KMO: variants seen among roughly 807,000 people sequenced by gnomAD.
KMO encodes the protein kynurenine 3-monooxygenase.
Under a neutral mutation model 57.8 loss-of-function variants are expected in KMO, and 24 were observed. The ratio of observed to expected loss-of-function variants is 0.42; its 90% CI spans 0.30 to 0.58. The LOEUF (loss-of-function observed/expected upper bound fraction) is 0.58. Ranked by LOEUF, KMO falls within the 20% of genes least tolerant of loss-of-function variation. KMO has a pLI of 0.22. For missense variants in KMO, 483 were observed against 588.2 expected, an observed-to-expected ratio of 0.82 and a Z score of 1.85; for synonymous variants, 210 against 193.6, an observed-to-expected ratio of 1.08 and a Z score of -0.70.
intron 1 of KMO, among the ~76,000 whole-genome samples, chr1:241,544,198 AT>A (rs1661053696): frequency 6.6e-6 from 1 of 152,122 alleles, no homozygotes; most frequent in Non-Finnish European, 1.5e-5. Flanking sequence ...TGTTGTTTAG[AT>A]TGTGGCTTTA....
chr1:241,539,731 C>T (rs753878856), intron 1 of KMO, among the ~76,000 whole-genome samples: 7 of 152,154 alleles, frequency 4.6e-5, no homozygotes, highest in Non-Finnish European at 8.8e-5. Flanking sequence ...TTCTCATTCC[C>T]CTGTTATCCT....
intron 4 of KMO, among the ~76,000 whole-genome samples, chr1:241,554,421 G>A (rs1050603782): frequency 4.6e-5 from 7 of 151,740 alleles, no homozygotes; most frequent in South Asian, 2.1e-4. Context: ...CTACAGGCAC[G>A]CGCCACCAGA....
rs780783855 is a variant in KMO, at chr1:241,594,063, G to T, written c.*1910G>T. Reference sequence around the variant, plus strand: ...TTCTAGCTACTTCACACATGTGTACGCGACAGTTATTTTTACAGTAAGGTA... The same window carrying T: ...TTCTAGCTACTTCACACATGTGTACTCGACAGTTATTTTTACAGTAAGGTA... On this transcript the variant is annotated 3_prime_UTR_variant, in exon 15 of 15. Transcript: ENST00000366559. 1.7e-4 allele frequency: 38 copies of T among 226,004 alleles called. No individual in the cohort carries two copies. The highest frequency in any genetic ancestry group is 3.0e-4 in the Non-Finnish European group (34 of 114,242). 14.0% of individuals were successfully genotyped at this position (226,004 alleles called of 1,614,324 possible).
chr1:241,591,748 T>C (rs1167663742), intron 14 of KMO, among the ~76,000 whole-genome samples: 1 of 152,190 alleles, frequency 6.6e-6, no homozygotes, highest in African/African-American at 2.4e-5. Flanking sequence ...ATGAGTTTCC[T>C]GGGAGAGAGG....
rs1663377290 is a variant in KMO, at chr1:241,593,073, C to T, written c.*920C>T. On this transcript the variant is annotated 3_prime_UTR_variant, in exon 15 of 15. Coordinates refer to ENST00000366559, the MANE Select transcript of KMO (RefSeq NM_003679.5). ...TAGAGTTGTGAGCCACCGCTGCCAGCCCAGAGTTACCCTCTAAAGATAAGA... is the reference window on the plus strand; with the variant it reads ...TAGAGTTGTGAGCCACCGCTGCCAGTCCAGAGTTACCCTCTAAAGATAAGA... 1 of 193,388 alleles carries T rather than the reference C, an allele frequency of 5.2e-6. No homozygotes were observed. The highest frequency in any genetic ancestry group is 2.3e-5 in the African/African-American group (1 of 43,430). The allele number at this position is 193,388 out of a possible 1,614,324, so 12.0% of individuals were successfully genotyped here.
At chr1:241,558,695 G>C (rs1661728126) in intron 5 of KMO, among the ~76,000 whole-genome samples, 1 of 151,390 alleles carries the variant, frequency 6.6e-6, no homozygotes, top group South Asian at 2.1e-4. Context: ...CTGCATTGTG[G>C]ATCTTCCAGA....
intron 1 of KMO, among the ~76,000 whole-genome samples, chr1:241,544,824 A>C (rs566187529): frequency 1.3e-5 from 2 of 152,292 alleles, no homozygotes; most frequent in Admixed American, 6.5e-5. Flanking sequence ...TTTAAAGTAT[A>C]TGTAGATGAT....
At chr1:241,534,920 T>C (rs943996601) in intron 1 of KMO, among the ~76,000 whole-genome samples, 1 of 152,302 alleles carries the variant, frequency 6.6e-6, no homozygotes, top group African/African-American at 2.4e-5. Flanking sequence ...CTTTCCCTTT[T>C]TATTTGTTAA....
chr1:241,581,837 T>C (rs185532234), intron 10 of KMO, among the ~76,000 whole-genome samples: 1 of 152,322 alleles, frequency 6.6e-6, no homozygotes, highest in Admixed American at 6.5e-5. Context: ...ACTGTATTTG[T>C]CTGTATACTT....
intron 4 of KMO, among the ~76,000 whole-genome samples, chr1:241,552,719 A>G (rs1471982406): frequency 6.6e-6 from 1 of 152,194 alleles, no homozygotes; most frequent in Non-Finnish European, 1.5e-5. Flanking sequence ...GGCACGGGCG[A>G]TAATTTAGAA....
chr1:241,555,235 A>G (rs560866677), intron 4 of KMO, among the ~76,000 whole-genome samples: 2 of 152,322 alleles, frequency 1.3e-5, no homozygotes, highest in South Asian at 4.1e-4. Flanking sequence ...CTTTGATTCT[A>G]GTGATACTGT....
intron 10 of KMO, among the ~76,000 whole-genome samples, chr1:241,572,940 C>T (rs1662359091): frequency 6.6e-6 from 1 of 152,144 alleles, no homozygotes; most frequent in Non-Finnish European, 1.5e-5. Flanking sequence ...GCTCCAGCTC[C>T]ATCCAAGTTG....
At chr1:241,534,454 A>G (rs1436486051) in intron 1 of KMO, among the ~76,000 whole-genome samples, 1 of 152,176 alleles carries the variant, frequency 6.6e-6, no homozygotes, top group African/African-American at 2.4e-5. Flanking sequence ...GGAGACAAAA[A>G]TTACTACTTG....
intron 1 of KMO, among the ~76,000 whole-genome samples, chr1:241,533,360 G>GT (rs1405672843): frequency 2.0e-5 from 3 of 152,170 alleles, no homozygotes; most frequent in South Asian, 2.1e-4. Flanking sequence ...TATTGAGGGC[G>GT]TAACACTGTT....
In KMO at chr1:241,555,640, TA is replaced by T; in HGVS notation, c.344del (p.Asn115ThrfsTer5). On this transcript the variant is annotated frameshift_variant, in exon 5 of 15. Transcript: ENST00000366559. LOFTEE classifies it high-confidence loss of function. ...QYILSVSRENLNKDLLTAAEK... is the reference protein window; with the variant it reads ...QYILSVSRENXNKDLLTAAEK... ...ATTCTTTCTGTAAGCAGAGAAAATC[TA>T]AACAAGGATCTATTGACTGGTAAGT... is the stretch of plus-strand genomic sequence containing the variant. The T allele has an allele frequency of 6.3e-7, 1 of 1,576,830 alleles. No individual in the cohort carries two copies. The highest frequency in any genetic ancestry group is 8.7e-7 in the Non-Finnish European group (1 of 1,147,332).
intron 7 of KMO, among the ~76,000 whole-genome samples, chr1:241,563,383 C>T (rs559873643): frequency 6.6e-6 from 1 of 152,336 alleles, no homozygotes; most frequent in African/African-American, 2.4e-5. Context: ...CTGATTTAAT[C>T]TATCCTCTTA....
In KMO at chr1:241,568,632, G is replaced by A. The variant is rs1220715247; in HGVS notation, c.942G>A (p.Gly314=). The A allele has an allele frequency of 1.2e-6, 2 of 1,613,594 alleles. No homozygotes were observed. The highest frequency in any genetic ancestry group is 1.7e-6 in the Non-Finnish European group (2 of 1,179,748). ...DAAHAIVPFF[G]QGMNAGFEDC... ...CTCATGCTATAGTGCCGTTTTTTGG[G>A]CAAGGAATGAATGCGGTAAGTTCTT... Residue 314 remains glycine, a synonymous_variant, in exon 10 of 15, where the codon GGG becomes GGA. Coordinates refer to ENST00000366559, the MANE Select transcript of KMO (RefSeq NM_003679.5).
rs1363245998 is a variant in KMO at position 241,562,200 on chromosome 1, C to G, written c.483C>G (p.Asp161Glu). ...SDKVPKDVTC[D>E]LIVGCDGAYS... ...AAGTTCCCAAAGATGTCACTTGTGA[C>G]CTCATTGTAGGATGTGATGGAGCCT... Residue 161 changes from aspartate to glutamate, a missense_variant, in exon 7 of 15, where the codon GAC (aspartate) becomes GAG (glutamate). Physicochemically the swap from Asp to Glu is conservative, Grantham distance 45 (BLOSUM62 2). This residue lies in a region of KMO where 410 missense variants were observed against 492.3 expected (regional missense o/e 0.83). Transcript: ENST00000366559. 1 of 1,613,992 alleles carries G rather than the reference C, an allele frequency of 6.2e-7. No individual in the cohort carries two copies. The highest frequency in any genetic ancestry group is 8.5e-7 in the Non-Finnish European group (1 of 1,179,990).
In KMO at chr1:241,562,240, T is replaced by A. The variant is rs1166452081; in HGVS notation, c.523T>A (p.Ser175Thr). 1.2e-6 allele frequency: 2 copies of A among 1,614,162 alleles called. No individual in the cohort carries two copies. Among genetic ancestry groups the A allele is most frequent in the Non-Finnish European group, 1.7e-6 (2 of 1,179,990 alleles). The stretch of plus-strand genomic sequence containing the variant: ...TGATGGAGCCTATTCAACTGTCAGA[T>A]CTCACCTGATGAAGAAACCTCGCTT... ...GCDGAYSTVR[S>T]HLMKKPRFDY... The change falls in exon 7 of 15, where the codon TCT (serine) becomes ACT (threonine). Residue 175 changes from serine (S) to threonine (T), a missense_variant. Ser to Thr is a moderately conservative substitution (Grantham distance 58). Transcript: ENST00000366559.
Sources: allele counts gnomAD v4.1 joint callset (sites outside exome capture counted in the v4.1 genomes callset), GRCh38; gene constraint gnomAD v4.1.1; regional missense constraint gnomAD v4.1.1; transcripts MANE v1.5; gene names NCBI Gene and HGNC (gene_info 2026-07-23, HGNC 2026-07-21).